The following FMN1 variants were observed in gnomAD, a reference collection of about 807,000 sequenced individuals.
The protein encoded by FMN1 is formin 1, also known as formin-1.
FMN1 carries 110 observed loss-of-function variants against 132.4 expected under a neutral mutation model. That is an observed-to-expected ratio of 0.83 (90% CI 0.71 to 0.97). FMN1 has a LOEUF of 0.97. FMN1 is among the 50% of genes least tolerant of loss of function. The pLI, the probability that FMN1 is intolerant of heterozygous loss-of-function variation, is 0.00. For synonymous variants in FMN1, 722 were observed against 651.7 expected, an observed-to-expected ratio of 1.11 and a Z score of -1.64; for missense variants, 1,792 against 1,705.3, an observed-to-expected ratio of 1.05 and a Z score of -0.90.
intron 4 of FMN1, among the ~76,000 whole-genome samples, chr15:33,117,833 T>C (rs944246535): frequency 6.6e-6 from 1 of 152,220 alleles, no homozygotes; most frequent in Non-Finnish European, 1.5e-5. Flanking sequence ...CAGGACCATG[T>C]AGCAAATTAG....
At chr15:33,088,407 G>A (rs115633872) in intron 5 of FMN1, among the ~76,000 whole-genome samples, 139 of 152,258 alleles carry the variant, frequency 9.1e-4, no homozygotes, top group African/African-American at 3.1e-3. Flanking sequence ...CAGGGTATTC[G>A]GATTTCACTT....
chr15:33,044,231 C>T (rs889325546), intron 6 of FMN1, among the ~76,000 whole-genome samples: 3 of 152,202 alleles, frequency 2.0e-5, no homozygotes, highest in African/African-American at 7.2e-5. Context: ...CCCCTTGGCA[C>T]AAACACTCTA....
intron 6 of FMN1, among the ~76,000 whole-genome samples, chr15:33,017,969 G>A (rs754714892): frequency 1.3e-5 from 2 of 151,920 alleles, no homozygotes; most frequent in African/African-American, 4.8e-5. Flanking sequence ...GGGGGCAGAG[G>A]TAGGAGAATC....
rs142439822 is a variant in FMN1, at chr15:33,094,932, G to C, written c.1868-5958C>G. ...AAGATCAAGGAAAGAACAAATTTAG[G>C]AGATTGTAGGATTCACTGAGACATT... On this transcript the variant is annotated intron_variant, in intron 4 of 20. Coordinates refer to ENST00000616417, the MANE Select transcript of FMN1 (RefSeq NM_001277313.2). Among the ~76,000 whole-genome samples, 8 of 152,262 alleles carry C rather than the reference G, an allele frequency of 5.3e-5. 1 individual carries two copies. The highest frequency in any genetic ancestry group is 1.9e-4 in the African/African-American group (8 of 41,554).
intron 15 of FMN1, among the ~76,000 whole-genome samples, chr15:32,891,901 A>G (rs904275053): frequency 6.6e-6 from 1 of 151,968 alleles, no homozygotes; most frequent in African/African-American, 2.4e-5. Flanking sequence ...TGTGTACATT[A>G]ATCTTGTATC....
chr15:32,971,615 CACA>C (rs2031799937), intron 7 of FMN1, among the ~76,000 whole-genome samples: 1 of 152,156 alleles, frequency 6.6e-6, no homozygotes, highest in Non-Finnish European at 1.5e-5. Flanking sequence ...TCGGTTCTGT[CACA>C]ACAAACTAAC....
At chr15:32,832,612 T>C (rs940006259) in intron 17 of FMN1, among the ~76,000 whole-genome samples, 3 of 152,144 alleles carry the variant, frequency 2.0e-5, no homozygotes, top group African/African-American at 7.2e-5. Flanking sequence ...ACCCTGTCTC[T>C]ACTAAAATAC....
At chr15:33,190,965 T>C (rs1235630525) in intron 2 of FMN1, among the ~76,000 whole-genome samples, 2 of 152,082 alleles carry the variant, frequency 1.3e-5, no homozygotes, top group Non-Finnish European at 2.9e-5. Flanking sequence ...GGTCAGGAGA[T>C]CAAGACCATC....
chr15:32,837,744 T>C (rs1357010273), intron 17 of FMN1, among the ~76,000 whole-genome samples: 1 of 152,228 alleles, frequency 6.6e-6, no homozygotes, highest in Non-Finnish European at 1.5e-5. Context: ...TGGAATAGTG[T>C]CTGATTCTTC....
chr15:33,082,636 G>C (rs1248055896), intron 5 of FMN1, among the ~76,000 whole-genome samples: 1 of 152,058 alleles, frequency 6.6e-6, no homozygotes, highest in Non-Finnish European at 1.5e-5. Context: ...GATAAATCTG[G>C]TTGAAAGTGC....
chr15:33,138,895 G>T (rs1411110790), intron 4 of FMN1, among the ~76,000 whole-genome samples: 1 of 152,038 alleles, frequency 6.6e-6, no homozygotes, highest in Non-Finnish European at 1.5e-5. Flanking sequence ...AAATCTCCTT[G>T]TATTTCAAGA....
At chr15:33,066,909 C>T (rs753234190) in intron 5 of FMN1, 1 of 1,614,002 alleles carries the variant, frequency 6.2e-7, no homozygotes, top group Admixed American at 1.7e-5. Flanking sequence ...TCACTCTTCA[C>T]TGTCTGCAGC....
At chr15:33,150,499 G>T in intron 4 of FMN1, 4 of 985,440 alleles carry the variant, frequency 4.1e-6, no homozygotes, top group Non-Finnish European at 4.8e-6. Flanking sequence ...CTTGAAATGA[G>T]AAGTTAAGAA....
At chr15:32,991,127 A>C (rs1435068642) in intron 7 of FMN1, among the ~76,000 whole-genome samples, 1 of 152,098 alleles carries the variant, frequency 6.6e-6, no homozygotes, top group Non-Finnish European at 1.5e-5. Context: ...CAAACCTAAC[A>C]ACCAAGCAAA....
rs555198975 is a variant in FMN1, at chr15:32,843,933, G to A, written c.3928+13082C>T. 5.9e-5 allele frequency among the ~76,000 whole-genome samples: 9 copies of A among 152,070 alleles called. No individual in the cohort carries two copies. The South Asian group carries it at 8.3e-4, about 14-fold the overall frequency. ...GACCAGTTTATCTCTGTTTAAAACA[G>A]TTCTGATCTACTCAAATACACATTT... On this transcript the variant is annotated intron_variant, in intron 17 of 20. Coordinates refer to ENST00000616417, the MANE Select transcript of FMN1 (RefSeq NM_001277313.2).
At chr15:33,186,771 G>GT in intron 2 of FMN1, among the ~76,000 whole-genome samples, 1 of 152,228 alleles carries the variant, frequency 6.6e-6, no homozygotes, top group Non-Finnish European at 1.5e-5. Context: ...TTCATGGGCA[G>GT]TTTCATAAAA....
At chr15:32,927,008 A>T (rs2140357539) in intron 9 of FMN1, among the ~76,000 whole-genome samples, 1 of 152,172 alleles carries the variant, frequency 6.6e-6, no homozygotes, top group South Asian at 2.1e-4. Context: ...GCCCAGGCTG[A>T]TCTGATCCCA....
chr15:33,169,760 T>C (rs1476816164), intron 3 of FMN1, among the ~76,000 whole-genome samples: 19 of 139,964 alleles, frequency 1.4e-4, no homozygotes, highest in African/African-American at 5.1e-4. Context: ...TTTTTTTTTT[T>C]GGTAATAGCC....
At chr15:33,098,540 C>G (rs752335386) in intron 4 of FMN1, among the ~76,000 whole-genome samples, 22 of 152,172 alleles carry the variant, frequency 1.4e-4, no homozygotes, top group Non-Finnish European at 2.5e-4. Flanking sequence ...AACAGCCAGG[C>G]CTGATCACCC....
Sources: allele counts gnomAD v4.1 joint callset (sites outside exome capture counted in the v4.1 genomes callset), GRCh38; gene constraint gnomAD v4.1.1; transcripts MANE v1.5; gene names NCBI Gene and HGNC (gene_info 2026-07-23, HGNC 2026-07-21).